Variants in LPA observed in about 807,000 individuals in gnomAD.
The protein encoded by LPA is apolipoprotein(a).
Under a neutral mutation model 197.9 loss-of-function variants are expected in LPA, and 199 were observed. The ratio of observed to expected loss-of-function variants is 1.01; its 90% CI spans 0.90 to 1.13. The LOEUF (loss-of-function observed/expected upper bound fraction) is 1.13. LPA is among the 50% of genes most tolerant of loss of function. LPA has a pLI of 0.00. For synonymous variants in LPA, 715 were observed against 639.5 expected (o/e 1.12, Z -1.78); for missense variants, 1,853 against 1,785.8 (o/e 1.04, Z -0.68).
At chr6:160,634,656 C>A (rs1447237179) in intron 7 of LPA, among the ~76,000 whole-genome samples, 7 of 151,294 alleles carry the variant, frequency 4.6e-5, no homozygotes, top group African/African-American at 9.8e-5. Context: ...TCCATAGACC[C>A]AGGACCATAT....
chr6:160,548,619 T>C lies in LPA; in HGVS notation c.5014A>G (p.Thr1672Ala). Residue 1672 changes from threonine (T) to alanine (A), a missense_variant, in exon 31 of 39, where the codon ACA becomes GCA. By Grantham distance (58) the Thr-to-Ala change is moderately conservative. Coordinates refer to ENST00000316300, the MANE Select transcript of LPA (RefSeq NM_005577.4). Reference sequence around the variant, plus strand: ...TCCATGGTAAAACACCAAGGGCCTGTATCGGCATCTGGATTCCTGCAGTAG... The same window carrying C: ...TCCATGGTAAAACACCAAGGGCCTGCATCGGCATCTGGATTCCTGCAGTAG... Reference protein sequence around the residue: ...MNYCRNPDADTGPWCFTMDPS... With the variant: ...MNYCRNPDADAGPWCFTMDPS... 6.2e-7 allele frequency: 1 copy of C among 1,614,144 alleles called. No homozygotes were observed. The highest frequency in any genetic ancestry group is 8.5e-7 in the Non-Finnish European group (1 of 1,180,012).
chr6:160,635,135 G>A lies in LPA; in HGVS notation c.1063C>T (p.Pro355Ser), dbSNP rs62442779. The A allele has an allele frequency of 1.5e-3, 2,292 of 1,482,032 alleles. 17 individuals carry two copies. The highest frequency in any genetic ancestry group is 2.8e-3 in the Middle Eastern group (12 of 4,260). 91.8% of individuals were successfully genotyped at this position (1,482,032 alleles called of 1,614,324 possible). ...ACAGACTCCTTACCTTGTTCGGAAG[G>A]AGCCTCTAGGCTTGGAACCGGGGTA... ...TVTPVPSLEA[P>S]SEQAPTEQRP... is the part of the protein sequence containing the mutation. Residue 355 changes from proline to serine, a missense_variant, in exon 7 of 39, where the codon CCT becomes TCT. Transcript: ENST00000316300.
At chr6:160,577,996 A>G (rs1432712328) in intron 27 of LPA, among the ~76,000 whole-genome samples, 1 of 152,188 alleles carries the variant, frequency 6.6e-6, no homozygotes, top group Non-Finnish European at 1.5e-5. Context: ...AGCCTGTGAA[A>G]GACTGAGATA....
chr6:160,537,056 C>A (rs552963905), intron 37 of LPA, among the ~76,000 whole-genome samples: 48 of 152,082 alleles, frequency 3.2e-4, no homozygotes, highest in Non-Finnish European at 6.0e-4. Context: ...TTTTCCAGGG[C>A]CCCAGACTCC....
intron 18 of LPA, among the ~76,000 whole-genome samples, chr6:160,603,002 T>G (rs1447186015): frequency 5.3e-5 from 8 of 151,588 alleles, no homozygotes; most frequent in Non-Finnish European, 8.8e-5. Context: ...CAGTTTTTTT[T>G]TTTTTTTTTT....
chr6:160,648,627 G>C (rs1779948693), intron 2 of LPA, among the ~76,000 whole-genome samples: 1 of 151,918 alleles, frequency 6.6e-6, no homozygotes, highest in East Asian at 1.9e-4. Flanking sequence ...TTGTATGTGT[G>C]TATCTGGTTC....
chr6:160,581,054 C>T (rs573439967), intron 26 of LPA, among the ~76,000 whole-genome samples: 1 of 151,974 alleles, frequency 6.6e-6, no homozygotes, highest in African/African-American at 2.4e-5. Context: ...TTAGCTGTTA[C>T]ATTGAGGTCT....
At chr6:160,595,237 G>T in intron 21 of LPA, 117 bp downstream of exon 21, 1 of 1,307,136 alleles carries the variant, frequency 7.7e-7, no homozygotes, top group Non-Finnish European at 1.1e-6. Context: ...GGCTGACCCT[G>T]AGTCCACATT....
chr6:160,555,475 GTA>G (rs1359040845), intron 30 of LPA, among the ~76,000 whole-genome samples: 6 of 135,420 alleles, frequency 4.4e-5, no homozygotes, highest in Non-Finnish European at 9.4e-5. Context: ...ATATATATAT[GTA>G]TATATATATG....
At chr6:160,609,387 A>T (rs1010894080) in intron 16 of LPA, among the ~76,000 whole-genome samples, 1 of 152,212 alleles carries the variant, frequency 6.6e-6, no homozygotes, top group African/African-American at 2.4e-5. Context: ...TCTGAGGTGA[A>T]CGCATTAGCA....
At chr6:160,599,476 T>C (rs1025750896) in intron 20 of LPA, 24 bp downstream of exon 20, 3 of 1,612,700 alleles carry the variant, frequency 1.9e-6, no homozygotes, top group Non-Finnish European at 1.7e-6. Context: ...CTTCCTTCGC[T>C]TATGGTAAAG....
intron 28 of LPA, among the ~76,000 whole-genome samples, chr6:160,576,372 A>ATG (rs1562327918): frequency 5.3e-4 from 14 of 26,652 alleles, no homozygotes; most frequent in Admixed American, 3.3e-3. Context: ...ATATACATAT[A>ATG]TATATATATA....
intron 16 of LPA, 97 bp from the exon 17 acceptor site, chr6:160,606,755 T>G: frequency 6.5e-7 from 1 of 1,527,616 alleles, no homozygotes; most frequent in Middle Eastern, 2.0e-4. Flanking sequence ...TCATTACCAG[T>G]GCCTTTCTAA....
At chr6:160,593,436 T>C (rs1324366855) in intron 22 of LPA, among the ~76,000 whole-genome samples, 8 of 152,218 alleles carry the variant, frequency 5.3e-5, no homozygotes, top group Non-Finnish European at 7.3e-5. Flanking sequence ...CTCAGCTGCC[T>C]TCCTACTTTT....
chr6:160,605,027 G>C lies in LPA; in HGVS notation c.2945+19C>G. The C allele has an allele frequency of 6.2e-7, 1 of 1,613,002 alleles. No homozygotes were observed. The highest frequency in any genetic ancestry group is 8.5e-7 in the Non-Finnish European group (1 of 1,179,640). ...TCCACTGACCCTTCCTTCACTTATG[G>C]TAAAGAAAATAGACATACGCATTTG... is the stretch of plus-strand genomic sequence containing the variant. On this transcript the variant is annotated intron_variant, in intron 18 of 38. Coordinates refer to ENST00000316300, the MANE Select transcript of LPA (RefSeq NM_005577.4).
intron 15 of LPA, 137 bp from the exon 16 acceptor site, chr6:160,611,858 G>T: frequency 1.3e-6 from 1 of 751,536 alleles, no homozygotes; most frequent in Non-Finnish European, 2.0e-6. Context: ...CAGATGGATG[G>T]GAGAAAACCA....
chr6:160,574,593 C>T (rs1312472598), intron 28 of LPA, among the ~76,000 whole-genome samples: 1 of 152,166 alleles, frequency 6.6e-6, no homozygotes, highest in African/African-American at 2.4e-5. Context: ...TTCCTCTACC[C>T]CTATATTTTG....
intron 28 of LPA, among the ~76,000 whole-genome samples, chr6:160,568,389 A>G (rs1778501819): frequency 6.6e-6 from 1 of 152,236 alleles, no homozygotes; most frequent in Admixed American, 6.5e-5. Flanking sequence ...GACAAAAACC[A>G]CATGATTATC....
intron 2 of LPA, among the ~76,000 whole-genome samples, chr6:160,648,581 T>G (rs1331750975): frequency 6.6e-6 from 1 of 152,070 alleles, no homozygotes; most frequent in East Asian, 1.9e-4. Context: ...TGTAAGCTTA[T>G]ACATGTTTGA....
Sources: gnomAD v4.1 joint callset for allele counts (sites outside exome capture counted in the v4.1 genomes callset) on GRCh38, gnomAD v4.1.1 for gene constraint, MANE v1.5 for transcripts, NCBI Gene and HGNC (gene_info 2026-07-23, HGNC 2026-07-21) for gene names.